MYO5B: variants seen among roughly 807,000 people sequenced by gnomAD.
The protein encoded by MYO5B is myosin VB.
Under a neutral mutation model 229.3 loss-of-function variants are expected in MYO5B, and 143 were observed. The ratio of observed to expected loss-of-function variants is 0.62; its 90% CI spans 0.54 to 0.72. MYO5B has a LOEUF of 0.72. MYO5B is among the 30% of genes least tolerant of loss of function. The pLI is 0.00. For synonymous variants in MYO5B, 918 were observed against 885.2 expected (o/e 1.04, Z -0.66); for missense variants, 2,321 against 2,331.0 (o/e 1.00, Z 0.09).
intron 1 of MYO5B, among the ~76,000 whole-genome samples, chr18:50,193,599 C>A (rs2033257699): frequency 6.6e-6 from 1 of 152,182 alleles, no homozygotes; most frequent in African/African-American, 2.4e-5. Context: ...TTGGCCCGGG[C>A]GGGTGTCCCG....
rs1296158683 is a variant in MYO5B, at chr18:49,864,145, T to G, written c.3839A>C (p.Asn1280Thr). Residue 1280 changes from asparagine (N) to threonine (T), a missense_variant, in exon 28 of 40, where the codon AAC becomes ACC. By Grantham distance (65) the Asn-to-Thr change is moderately conservative (BLOSUM62 0). Around this residue, in one of 2 missense-constraint regions of MYO5B, gnomAD observed 2,113 missense variants for 2,044.7 expected, o/e 1.03. Coordinates refer to ENST00000285039, the MANE Select transcript of MYO5B (RefSeq NM_001080467.3). ...SADQRRLAGRNAEPNINARSS... is the reference protein window; with the variant it reads ...SADQRRLAGRTAEPNINARSS... ...CGCGGGCCGCCATCTTGTTACCGCG[T>G]TCCTGCCGGCGAGTCGCCGCTGGTC... is the stretch of plus-strand genomic sequence containing the variant. 6.2e-7 allele frequency: 1 copy of G among 1,608,598 alleles called. No individual in the cohort carries two copies. The highest frequency in any genetic ancestry group is 2.2e-5 in the East Asian group (1 of 44,858).
At chr18:49,987,367 A>G (rs2025881699) in intron 7 of MYO5B, among the ~76,000 whole-genome samples, 1 of 152,090 alleles carries the variant, frequency 6.6e-6, no homozygotes. Context: ...GTACATCCAA[A>G]TAGGACTCAG....
chr18:50,185,165 A>G (rs536096825), intron 1 of MYO5B, among the ~76,000 whole-genome samples: 2 of 152,234 alleles, frequency 1.3e-5, no homozygotes, highest in South Asian at 2.1e-4. Context: ...AAATATAAGG[A>G]AAACAACACA....
intron 12 of MYO5B, among the ~76,000 whole-genome samples, chr18:49,957,277 G>C (rs577565724): frequency 6.7e-6 from 1 of 149,844 alleles, no homozygotes; most frequent in African/African-American, 2.5e-5. Flanking sequence ...TGTTGCCATC[G>C]CTGGCCTGGG....
intron 1 of MYO5B, among the ~76,000 whole-genome samples, chr18:50,086,706 C>T (rs80065326): frequency 0.038 from 5,763 of 152,246 alleles, 358 homozygotes; most frequent in African/African-American, 0.13. Flanking sequence ...ACTGACTATG[C>T]CAGCAGTCGG....
rs746993416 is a variant in MYO5B at position 49,974,367 on chromosome 18, C to T, written c.1305G>A (p.Gly435=). The part of the protein sequence containing the change: ...HTSLKQHSFI[G]VLDIYGFETF... ...AGGCCTACCCATAGATGTCCAGGAC[C>T]CCGATGAAGGAGTGCTGCTTGAGGG... Residue 435 remains glycine, a synonymous_variant, in exon 10 of 40, where the codon GGG becomes GGA. Transcript: ENST00000285039. 6 of 1,614,174 alleles carry T rather than the reference C, an allele frequency of 3.7e-6. No individual in the cohort carries two copies. Among genetic ancestry groups the T allele is most frequent in the Middle Eastern group, 1.6e-4 (1 of 6,062 alleles).
rs564077513 is a variant in MYO5B at position 50,185,331 on chromosome 18, G to A, written c.27+9436C>T. Reference sequence around the variant, plus strand: ...AGAGAGAGAGAAAGAACAATGACCCGAACTTAGAGTGGCGAAGAAACAGAC... The same window carrying A: ...AGAGAGAGAGAAAGAACAATGACCCAAACTTAGAGTGGCGAAGAAACAGAC... On this transcript the variant is annotated intron_variant, in intron 1 of 39. Transcript: ENST00000285039. Among the ~76,000 whole-genome samples, 32 of 150,502 alleles carry A rather than the reference G, an allele frequency of 2.1e-4. No homozygotes were observed. In the South Asian group the frequency reaches 6.3e-3, roughly 30 times the overall value.
At chr18:49,862,618 C>T (rs1279992990) in intron 29 of MYO5B, among the ~76,000 whole-genome samples, 2 of 152,228 alleles carry the variant, frequency 1.3e-5, no homozygotes, top group African/African-American at 4.8e-5. Context: ...CAACGCTTGG[C>T]CCTGCTGCTG....
At position 50,126,572 on chromosome 18, in the gene MYO5B, G is replaced by A. The variant is rs146512522; in HGVS notation, c.27+68195C>T. 123 of 154,988 alleles carry A rather than the reference G, an allele frequency of 7.9e-4. 1 individual carries two copies. The highest frequency in any genetic ancestry group is 6.7e-3 in the South Asian group (33 of 4,922). The allele number at this position is 154,988 out of a possible 1,614,324, so 9.6% of individuals were successfully genotyped here. A position where few individuals can be genotyped will look rare whatever the true frequency, so the allele number is the denominator to read the frequency against. ...AGCAAACCCCACATGTCACTCTGGT[G>A]AGCAAAGGCCTTGACAAGTCAAGAG... On this transcript the variant is annotated intron_variant, in intron 1 of 39. Coordinates refer to ENST00000285039, the MANE Select transcript of MYO5B (RefSeq NM_001080467.3).
intron 1 of MYO5B, among the ~76,000 whole-genome samples, chr18:50,113,845 T>C (rs921105831): frequency 2.6e-5 from 4 of 152,194 alleles, no homozygotes; most frequent in African/African-American, 7.2e-5. Context: ...TATTTTAAAG[T>C]ACATGGAAGT....
Position 50,105,248 on chromosome 18 carries a change from T to TAAATAAA in MYO5B, c.28-49871_28-49870insTTTATTT, listed in dbSNP as rs1248634941. Among the ~76,000 whole-genome samples the TAAATAAA allele has an allele frequency of 3.9e-3, 517 of 131,608 alleles. 1 individual carries two copies. The highest frequency in any genetic ancestry group is 0.013 in the African/African-American group (439 of 34,882). 86.3% of individuals were successfully genotyped at this position (131,608 alleles called of 152,430 possible). ...ATAAATAAATAAATAAATAAATAAA[T>TAAATAAA]AAAAAATAGATAAAATAGCTGCTGA... is the stretch of plus-strand genomic sequence containing the variant. On this transcript the variant is annotated intron_variant, in intron 1 of 39. Transcript: ENST00000285039.
intron 16 of MYO5B, among the ~76,000 whole-genome samples, chr18:49,933,377 T>C (rs1714429990): frequency 6.6e-6 from 1 of 152,250 alleles, no homozygotes; most frequent in Non-Finnish European, 1.5e-5. Context: ...CAGTTACTTG[T>C]GACAGACAAT....
chr18:50,164,663 G>T (rs2032818209), intron 1 of MYO5B, among the ~76,000 whole-genome samples: 1 of 152,024 alleles, frequency 6.6e-6, no homozygotes, highest in Non-Finnish European at 1.5e-5. Flanking sequence ...TGTGTGTCAT[G>T]GTGGTTTGCT....
chr18:50,055,954 G>C lies in MYO5B; in HGVS notation c.28-576C>G, dbSNP rs73959852. Among the ~76,000 whole-genome samples the C allele has an allele frequency of 8.9e-4, 135 of 152,282 alleles. 2 individuals are homozygous for C. The highest frequency in any genetic ancestry group is 3.1e-3 in the African/African-American group (127 of 41,550). Reference sequence around the variant, plus strand: ...CTTTTTTCGGATGGGGTCTCACTCTGTTACCCAGGCTAGCATGCAGTGGTG... The same window carrying C: ...CTTTTTTCGGATGGGGTCTCACTCTCTTACCCAGGCTAGCATGCAGTGGTG... On this transcript the variant is annotated intron_variant, in intron 1 of 39. Transcript: ENST00000285039.
intron 4 of MYO5B, among the ~76,000 whole-genome samples, chr18:50,009,254 T>C (rs1393625098): frequency 6.6e-6 from 1 of 152,058 alleles, no homozygotes; most frequent in Non-Finnish European, 1.5e-5. Flanking sequence ...GGTGGGTGCT[T>C]GTAATCCCAG....
chr18:49,992,148 A>T, intron 6 of MYO5B, 140 bp downstream of exon 6: 1 of 1,221,246 alleles, frequency 8.2e-7, no homozygotes, highest in Non-Finnish European at 1.2e-6. Context: ...CTGATAAAAG[A>T]TAAGAACCAA....
intron 16 of MYO5B, 46 bp from the exon 17 acceptor site, chr18:49,929,644 T>C: frequency 2.7e-6 from 4 of 1,478,408 alleles, no homozygotes; most frequent in South Asian, 1.2e-5. Context: ...AAGAGATGAG[T>C]GGCCACATTT....
At position 49,880,456 on chromosome 18, in the gene MYO5B, C is replaced by A. The variant is rs374808967; in HGVS notation, c.3046-1G>T. ...TTTCTTGCTCCAGGTCTGCAACTCG[C>A]TGGAAGAGAGCAATAGGGGAAAAAT... On this transcript the variant is annotated splice_acceptor_variant, in intron 22 of 39. Transcript: ENST00000285039. LOFTEE classifies it high-confidence loss of function. 7.4e-6 allele frequency: 12 copies of A among 1,613,450 alleles called. No individual in the cohort carries two copies. The highest frequency in any genetic ancestry group is 1.0e-5 in the Non-Finnish European group (12 of 1,179,508).
At chr18:50,090,351 A>AAAG (rs1568102608) in intron 1 of MYO5B, among the ~76,000 whole-genome samples, 1 of 151,570 alleles carries the variant, frequency 6.6e-6, no homozygotes, top group African/African-American at 2.4e-5. Flanking sequence ...AAAAAAAAAA[A>AAAG]AAAATTCCCT....
Sources: allele counts gnomAD v4.1 joint callset (sites outside exome capture counted in the v4.1 genomes callset), GRCh38; gene constraint gnomAD v4.1.1; regional missense constraint gnomAD v4.1.1; transcripts MANE v1.5; gene names NCBI Gene and HGNC (gene_info 2026-07-23, HGNC 2026-07-21).